MSI1: variants seen among roughly 807,000 people sequenced by gnomAD.
MSI1 encodes RNA-binding protein Musashi homolog 1.
MSI1 carries 15 observed loss-of-function variants against 54.4 expected under a neutral mutation model. The observed-to-expected ratio is 0.28, with a 90% CI of 0.18 to 0.42. MSI1 has a LOEUF of 0.42. Ranked by LOEUF, MSI1 falls within the 20% of genes least tolerant of loss-of-function variation. The probability of loss-of-function intolerance (pLI) is 1.00; values close to 1 mark genes in which losing one functional copy is unlikely to be tolerated. For synonymous variants in MSI1, 200 were observed against 196.5 expected (o/e 1.02, Z -0.15); for missense variants, 304 against 506.0 (o/e 0.60, Z 3.83).
At chr12:120,359,590 T>A (rs980040914) in intron 6 of MSI1, among the ~76,000 whole-genome samples, 3 of 152,162 alleles carry the variant, frequency 2.0e-5, no homozygotes, top group Non-Finnish European at 2.9e-5. Flanking sequence ...GTTCAGTGCC[T>A]GGGCTGCTTT....
At chr12:120,358,649 C>A (rs113757036) in intron 7 of MSI1, among the ~76,000 whole-genome samples, 15 of 152,070 alleles carry the variant, frequency 9.9e-5, no homozygotes, top group Admixed American at 2.0e-4. Context: ...CAGGAGGTGA[C>A]TGCCTGGGGC....
downstream of MSI1, among the ~76,000 whole-genome samples, chr12:120,340,123 G>A (rs1267473869): frequency 4.1e-5 from 6 of 147,744 alleles, no homozygotes; most frequent in South Asian, 2.2e-4. Flanking sequence ...GTCTCACTCC[G>A]TCACCCAGGC....
In MSI1 at chr12:120,368,403, C is replaced by T; in HGVS notation, c.101-130G>A. ...CAAGCTGCCCGCGCGTTCTCCACTG[C>T]CGCCGCCCCCCACCGCCCTCGCCCC... On this transcript the variant is annotated intron_variant, in intron 2 of 14. Transcript: ENST00000257552. This position sits in a 1 kb window ranked among gnomAD's most constrained non-coding sequence, Gnocchi z 6.6. 1.1e-6 allele frequency: 1 copy of T among 927,682 alleles called. No individual in the cohort carries two copies. Among genetic ancestry groups the T allele is most frequent in the Non-Finnish European group, 1.5e-6 (1 of 655,202 alleles). The allele number at this position is 927,682 out of a possible 1,614,324, so 57.5% of individuals were successfully genotyped here.
chr12:120,346,595 C>T (rs564222128), intron 12 of MSI1, among the ~76,000 whole-genome samples: 6 of 152,200 alleles, frequency 3.9e-5, no homozygotes, highest in Admixed American at 6.5e-5. Context: ...AACCCTGACC[C>T]GCGTCCCTCT....
intron 11 of MSI1, among the ~76,000 whole-genome samples, chr12:120,349,450 T>C (rs1031981074): frequency 6.6e-6 from 1 of 152,128 alleles, no homozygotes; most frequent in Non-Finnish European, 1.5e-5. Flanking sequence ...GCCAAGCTGG[T>C]CTTGAACTCC....
At chr12:120,356,516 C>G (rs1190040847) in intron 9 of MSI1, among the ~76,000 whole-genome samples, 1 of 152,174 alleles carries the variant, frequency 6.6e-6, no homozygotes, top group Non-Finnish European at 1.5e-5. Flanking sequence ...GTTTTCCCTG[C>G]CAGATTGTAA....
rs1200129759 is a variant in MSI1, at chr12:120,364,697, G to C, written c.309+17C>G. 2.5e-6 allele frequency: 4 copies of C among 1,585,648 alleles called. No individual in the cohort carries two copies. Among genetic ancestry groups the C allele is most frequent in the Non-Finnish European group, 3.4e-6 (4 of 1,167,300 alleles). On this transcript the variant is annotated intron_variant, in intron 5 of 14. Transcript: ENST00000257552. ...GCCCATAGTAAGAGAGCTCCTCCCA[G>C]ACATAGACACACCTACCTTGGGCTG...
At chr12:120,347,249 C>T (rs1195493995) in intron 12 of MSI1, among the ~76,000 whole-genome samples, 197 bp downstream of exon 12, 4 of 152,196 alleles carry the variant, frequency 2.6e-5, no homozygotes, top group African/African-American at 7.2e-5. Flanking sequence ...CGCGCCCAGC[C>T]GACCCTGTCA....
chr12:120,345,457 C>T (rs1874031221), intron 14 of MSI1, 113 bp downstream of exon 14: 3 of 877,486 alleles, frequency 3.4e-6, no homozygotes, highest in Non-Finnish European at 5.6e-6. Flanking sequence ...AGATCTGTCT[C>T]CCCTGGGACT....
chr12:120,347,614 A>G, intron 11 of MSI1, 100 bp from the exon 12 acceptor site: 1 of 1,430,816 alleles, frequency 7.0e-7, no homozygotes, highest in Non-Finnish European at 9.8e-7. Flanking sequence ...GCCTGGCCCT[A>G]CCTCAGAGGG....
chr12:120,354,881 A>G (rs1374741796), intron 9 of MSI1, among the ~76,000 whole-genome samples: 1 of 152,108 alleles, frequency 6.6e-6, no homozygotes, highest in Admixed American at 6.5e-5. Flanking sequence ...CTGAAGGACA[A>G]AAATATTCTA....
At chr12:120,348,464 C>CA (rs1220385264) in intron 11 of MSI1, among the ~76,000 whole-genome samples, 3 of 152,226 alleles carry the variant, frequency 2.0e-5, no homozygotes, top group Admixed American at 6.5e-5. Context: ...TGAATACCCC[C>CA]ACTCAGGCGG....
intron 10 of MSI1, 81 bp downstream of exon 10, chr12:120,353,218 C>A: frequency 1.4e-6 from 2 of 1,383,340 alleles, no homozygotes; most frequent in Non-Finnish European, 2.1e-6. Flanking sequence ...AGCCATGCAC[C>A]CCTAGACACC....
chr12:120,340,090 T>A (rs1391553196), downstream of MSI1, among the ~76,000 whole-genome samples: 1 of 39,124 alleles, frequency 2.6e-5, no homozygotes, highest in African/African-American at 5.3e-5. Context: ...CCAAAATAGC[T>A]TTTTTTTTTT....
intron 7 of MSI1, among the ~76,000 whole-genome samples, 165 bp from the exon 8 acceptor site, chr12:120,358,063 G>A (rs1192784915): frequency 1.3e-5 from 2 of 152,128 alleles, no homozygotes; most frequent in Non-Finnish European, 2.9e-5. Context: ...ACTGAGACAG[G>A]GTTTCAAGTC....
chr12:120,353,225 C>T (rs1592933684), intron 10 of MSI1, 74 bp downstream of exon 10: 3 of 1,450,390 alleles, frequency 2.1e-6, no homozygotes, highest in African/African-American at 1.4e-5. Context: ...CACCCCTAGA[C>T]ACCACCCTGA....
rs1876167818 is a variant in MSI1 at position 120,368,460 on chromosome 12, G to A, written c.101-187C>T. 6.6e-6 allele frequency among the ~76,000 whole-genome samples: 1 copy of A among 151,996 alleles called. No homozygotes were observed. Among genetic ancestry groups the A allele is most frequent in the Admixed American group, 6.5e-5 (1 of 15,274 alleles). ...GCTGAGCCTCCTGGCGCCCACCGGG[G>A]CCCCGGGAAGCCGAGGGCCGAGCTG... On this transcript the variant is annotated intron_variant, in intron 2 of 14. Transcript: ENST00000257552. This position sits in a 1 kb window ranked among gnomAD's most constrained non-coding sequence, Gnocchi z 6.6.
chr12:120,345,476 T>C (rs1195554874), intron 14 of MSI1, 94 bp downstream of exon 14: 4 of 1,133,070 alleles, frequency 3.5e-6, no homozygotes, highest in African/African-American at 1.5e-5. Flanking sequence ...CTGTGGTTCT[T>C]GAGGGCAGGG....
chr12:120,366,116 C>T (rs1876002367), intron 4 of MSI1, among the ~76,000 whole-genome samples: 1 of 152,174 alleles, frequency 6.6e-6, no homozygotes, highest in Admixed American at 6.5e-5. Context: ...GCCTACAGGG[C>T]CAGGTCAGGC....
Sources: gnomAD v4.1 joint callset for allele counts (sites outside exome capture counted in the v4.1 genomes callset) on GRCh38, gnomAD v4.1.1 for gene constraint, Gnocchi (gnomAD v3.1) non-coding constraint, MANE v1.5 for transcripts, NCBI Gene and HGNC (gene_info 2026-07-23, HGNC 2026-07-21) for gene names.